Variants in ADAD1 observed in about 807,000 individuals in gnomAD.
The protein encoded by ADAD1 is adenosine deaminase domain containing 1.
In ADAD1, 46 loss-of-function variants were observed where a neutral mutation model predicts 66.8. The ratio of observed to expected loss-of-function variants is 0.69; its 90% CI spans 0.54 to 0.88. The LOEUF is 0.88. Ranked by LOEUF, ADAD1 falls within the 40% of genes least tolerant of loss-of-function variation. The pLI, the probability that ADAD1 is intolerant of heterozygous loss-of-function variation, is 0.00. For synonymous variants in ADAD1, 248 were observed against 229.4 expected, an observed-to-expected ratio of 1.08 and a Z score of -0.73; for missense variants, 617 against 681.8, an observed-to-expected ratio of 0.91 and a Z score of 1.06.
chr4:122,425,472 C>T (rs1489906450), intron 12 of ADAD1, among the ~76,000 whole-genome samples: 2 of 151,858 alleles, frequency 1.3e-5, no homozygotes, highest in East Asian at 1.9e-4. Context: ...TAAGAAATAT[C>T]TTGAACTAAG....
chr4:122,424,390 A>G (rs1797138864), intron 12 of ADAD1, among the ~76,000 whole-genome samples: 1 of 152,046 alleles, frequency 6.6e-6, no homozygotes, highest in South Asian at 2.1e-4. Flanking sequence ...GTTTAAAACA[A>G]CACTGTGTTG....
Position 122,380,185 on chromosome 4 carries a change from G to T in ADAD1, c.116G>T (p.Trp39Leu). The change falls in exon 3 of 13, where the codon TGG (tryptophan) becomes TTG (leucine). Residue 39 changes from tryptophan (W) to leucine (L), a missense_variant. Coordinates refer to ENST00000296513, the MANE Select transcript of ADAD1 (RefSeq NM_139243.4). ...ATKTITTPTG[W>L]SSESYGLSKM... ...AAGACGATAACTACACCCACAGGAT[G>T]GTCCTCAGAAAGTTACGGCCTGTCC... 2 of 1,614,126 alleles carry T rather than the reference G, an allele frequency of 1.2e-6. No homozygotes were observed. The highest frequency in any genetic ancestry group is 1.7e-6 in the Non-Finnish European group (2 of 1,180,012).
intron 10 of ADAD1, 104 bp downstream of exon 10, chr4:122,412,913 CTTTA>C: frequency 1.1e-6 from 1 of 936,664 alleles, no homozygotes; most frequent in South Asian, 1.7e-5. Flanking sequence ...ATACGTGAAA[CTTTA>C]TTTAAGGTCA....
At position 122,393,658 on chromosome 4, in the gene ADAD1, G is replaced by T. The variant is rs1454761333; in HGVS notation, c.598+1G>T. The T allele has an allele frequency of 1.9e-6, 3 of 1,585,736 alleles. No individual in the cohort carries two copies. The highest frequency in any genetic ancestry group is 1.7e-6 in the Non-Finnish European group (2 of 1,169,114). ...GCATATGTTTCAAAAGTACATTATG[G>T]TAGGAAAGTTTTTTGTGACGTTCTT... On this transcript the variant is annotated splice_donor_variant, in intron 6 of 12. Coordinates refer to ENST00000296513, the MANE Select transcript of ADAD1 (RefSeq NM_139243.4). LOFTEE classifies it high-confidence loss of function.
intron 11 of ADAD1, among the ~76,000 whole-genome samples, chr4:122,419,582 C>T (rs895957449): frequency 1.3e-5 from 2 of 152,074 alleles, no homozygotes; most frequent in East Asian, 3.8e-4. Flanking sequence ...AATTACAGAC[C>T]AAACTCACCT....
intron 9 of ADAD1, among the ~76,000 whole-genome samples, chr4:122,411,684 C>G (rs185651301): frequency 2.4e-4 from 36 of 152,190 alleles, no homozygotes; most frequent in African/African-American, 8.7e-4. Context: ...CTCATTGGAG[C>G]ATTTCATATT....
At chr4:122,420,321 C>T (rs936203360) in intron 11 of ADAD1, among the ~76,000 whole-genome samples, 9 of 152,162 alleles carry the variant, frequency 5.9e-5, no homozygotes, top group African/African-American at 2.2e-4. Context: ...CTTGGGCTTT[C>T]CCACACATCT....
rs201506900 is a variant in ADAD1 at position 122,421,253 on chromosome 4, C to T, written c.1488-8C>T. 3.6e-4 allele frequency: 555 copies of T among 1,550,508 alleles called. 1 individual carries two copies. Among genetic ancestry groups the T allele is most frequent in the Non-Finnish European group, 4.4e-4 (504 of 1,144,444 alleles). Reference sequence around the variant, plus strand: ...GAAATTTAAAAAATTTTATTTCTCTCTGCTTAGTTCCCCATTTAAAAGTGG... The same window carrying T: ...GAAATTTAAAAAATTTTATTTCTCTTTGCTTAGTTCCCCATTTAAAAGTGG... On this transcript the variant is annotated splice_polypyrimidine_tract_variant and splice_region_variant and intron_variant, in intron 11 of 12. Transcript: ENST00000296513.
intron 8 of ADAD1, among the ~76,000 whole-genome samples, chr4:122,408,579 C>G (rs978164505): frequency 6.6e-6 from 1 of 152,116 alleles, no homozygotes; most frequent in African/African-American, 2.4e-5. Context: ...CCCGGCCAAA[C>G]TCAGTTTTAA....
At chr4:122,411,946 G>T (rs553260698) in intron 9 of ADAD1, among the ~76,000 whole-genome samples, 3 of 152,160 alleles carry the variant, frequency 2.0e-5, no homozygotes, top group South Asian at 2.1e-4. Flanking sequence ...ATACAAATAC[G>T]AGAGTTAAGA....
At chr4:122,415,309 T>C in intron 10 of ADAD1, 70 bp from the exon 11 acceptor site, 1 of 1,255,118 alleles carries the variant, frequency 8.0e-7, no homozygotes, top group Non-Finnish European at 1.1e-6. Flanking sequence ...CGATTTCCAA[T>C]CATTTCATTT....
intron 10 of ADAD1, among the ~76,000 whole-genome samples, chr4:122,413,797 G>C (rs966410128): frequency 1.3e-5 from 2 of 148,322 alleles, no homozygotes; most frequent in African/African-American, 4.9e-5. Flanking sequence ...TAGTGGTAGA[G>C]CCTGAATTCA....
Position 122,411,238 on chromosome 4 carries a change from C to A in ADAD1, c.865C>A (p.Leu289Ile), listed in dbSNP as rs903615340. ...RSLLRYFYRQ[L>I]LLFYSKNPAM... ...TTATTTTAGGTACTTTTATAGACAA[C>A]TTCTGCTCTTCTACAGCAAAAATCC... The change falls in exon 9 of 13, where the codon CTT (leucine) becomes ATT (isoleucine). Residue 289 changes from leucine (L) to isoleucine (I), a missense_variant. Transcript: ENST00000296513. 6.2e-7 allele frequency: 1 copy of A among 1,601,056 alleles called. No individual in the cohort carries two copies. Among genetic ancestry groups the A allele is most frequent in the Non-Finnish European group, 8.5e-7 (1 of 1,176,482 alleles).
rs991958785 is a variant in ADAD1 at position 122,380,973 on chromosome 4, G to A, written c.173-19G>A. The stretch of plus-strand genomic sequence containing the variant: ...TGTTTGTTTTAAACCAAATTGACAA[G>A]TATAACATTTGTTTTTAGGTAATTT... On this transcript the variant is annotated intron_variant, in intron 3 of 12. Coordinates refer to ENST00000296513, the MANE Select transcript of ADAD1 (RefSeq NM_139243.4). The A allele has an allele frequency of 3.8e-6, 6 of 1,572,102 alleles. No individual in the cohort carries two copies. The highest frequency in any genetic ancestry group is 2.8e-5 in the African/African-American group (2 of 71,442).
At chr4:122,397,729 A>G (rs1365264156) in intron 7 of ADAD1, among the ~76,000 whole-genome samples, 3 of 152,210 alleles carry the variant, frequency 2.0e-5, no homozygotes, top group Admixed American at 1.3e-4. Flanking sequence ...ACAATAAATG[A>G]TAGATGAAGT....
chr4:122,390,925 T>C (rs555118658), intron 5 of ADAD1, among the ~76,000 whole-genome samples: 45 of 152,324 alleles, frequency 3.0e-4, no homozygotes, highest in Non-Finnish European at 1.9e-4. Flanking sequence ...TGATCATTTG[T>C]AGAAGAGGCA....
intron 7 of ADAD1, among the ~76,000 whole-genome samples, chr4:122,403,315 C>T (rs1796059989): frequency 6.6e-6 from 1 of 152,132 alleles, no homozygotes; most frequent in African/African-American, 2.4e-5. Flanking sequence ...TGCTGGAGAA[C>T]GTCTGCAAAG....
intron 3 of ADAD1, chr4:122,380,505 C>T (rs1794841470): frequency 2.2e-6 from 1 of 446,358 alleles, no homozygotes; most frequent in Admixed American, 4.0e-5. Context: ...AGGTGAGGCG[C>T]AAGGGAAGAT....
chr4:122,404,864 C>T (rs1354288094), intron 7 of ADAD1, among the ~76,000 whole-genome samples: 1 of 152,172 alleles, frequency 6.6e-6, no homozygotes, highest in Non-Finnish European at 1.5e-5. Flanking sequence ...AAGCATCACT[C>T]CTCCTATAGG....
Sources: allele counts gnomAD v4.1 joint callset (sites outside exome capture counted in the v4.1 genomes callset), GRCh38; gene constraint gnomAD v4.1.1; transcripts MANE v1.5; gene names NCBI Gene and HGNC (gene_info 2026-07-23, HGNC 2026-07-21).